TMEM165: variants seen among roughly 807,000 people sequenced by gnomAD.
The protein encoded by TMEM165 is putative divalent cation/proton antiporter TMEM165.
A neutral mutation model predicts 30.0 loss-of-function variants in TMEM165; 19 were observed. The observed-to-expected ratio is 0.63, with a 90% CI of 0.44 to 0.93. TMEM165 has a LOEUF of 0.93. TMEM165 is among the 40% of genes least tolerant of loss of function. The pLI is 0.00. For synonymous variants in TMEM165, 168 were observed against 162.9 expected (o/e 1.03, Z -0.24); for missense variants, 340 against 417.0 (o/e 0.82, Z 1.61).
At chr4:55,419,447 G>T (rs1721875231) in intron 4 of TMEM165, among the ~76,000 whole-genome samples, 1 of 152,214 alleles carries the variant, frequency 6.6e-6, no homozygotes, top group Non-Finnish European at 1.5e-5. Context: ...CGGGTGACTT[G>T]TGTGAGGGAG....
chr4:55,411,964 C>T (rs193134596), intron 2 of TMEM165, 125 bp downstream of exon 2: 2 of 835,924 alleles, frequency 2.4e-6, no homozygotes, highest in East Asian at 5.3e-5. Flanking sequence ...TTGTGGTCTT[C>T]CAACCTTTTC....
chr4:55,444,637 A>G, intron 3 of TMEM165: 2 of 1,614,080 alleles, frequency 1.2e-6, no homozygotes, highest in Non-Finnish European at 1.7e-6. Flanking sequence ...AATTACCTGC[A>G]GCCCCTGACC....
chr4:55,451,159 G>A (rs1212308051), intron 3 of TMEM165, among the ~76,000 whole-genome samples: 3 of 151,862 alleles, frequency 2.0e-5, no homozygotes, highest in African/African-American at 7.3e-5. Flanking sequence ...CCCCATCCTG[G>A]AAAACTGTCT....
chr4:55,424,671 A>G, intron 5 of TMEM165, 28 bp downstream of exon 5: 1 of 1,360,008 alleles, frequency 7.4e-7, no homozygotes, highest in South Asian at 1.2e-5. Context: ...CAAATCAGAT[A>G]ACATTTTAGA....
intron 3 of TMEM165, chr4:55,438,167 G>C: frequency 7.6e-7 from 1 of 1,314,524 alleles, no homozygotes; most frequent in Non-Finnish European, 1.1e-6. Context: ...GATTTAAACT[G>C]TACAATAAGC....
Position 55,417,896 on chromosome 4 carries a change from C to T in TMEM165, c.703C>T (p.Pro235Ser), listed in dbSNP as rs1721805828. The T allele has an allele frequency of 2.5e-6, 4 of 1,613,856 alleles. No homozygotes were observed. Among genetic ancestry groups the T allele is most frequent in the Non-Finnish European group, 3.4e-6 (4 of 1,179,958 alleles). Residue 235 changes from proline (P) to serine (S), a missense_variant, in exon 4 of 6, where the codon CCC becomes TCC. Physicochemically the swap from Pro to Ser is moderately conservative, Grantham distance 74. Transcript: ENST00000381334. The part of the protein sequence containing the change: ...PQKKWLHFIS[P>S]IFVQALTLTF... ...GAAAAAGTGGTTGCATTTTATTTCA[C>T]CCATTTTTGTTCAAGCTCTTACATT...
chr4:55,445,582 C>CTTTTTTTTTTTTTTTTTTTTTTTTTTTT lies in TMEM165; in HGVS notation c.409-6631_409-6630insTTTTTTTTTTTTTTTTTTTTTTTTTTTT, dbSNP rs56157186. Reference sequence around the variant, plus strand: ...TCTCTGCATCTGCTATTTCTATATTCTTTTTTTTTTTTTTTTTTTTTTTTT... The same window carrying CTTTTTTTTTTTTTTTTTTTTTTTTTTTT: ...TCTCTGCATCTGCTATTTCTATATTCTTTTTTTTTTTTTTTTTTTTTTTTTTTTTTTTTTTTTTTTTTTTTTTTTTTTT... On this transcript the variant is annotated intron_variant, in intron 3 of 3. Coordinates refer to the TMEM165 transcript ENST00000608091. Among the ~76,000 whole-genome samples the CTTTTTTTTTTTTTTTTTTTTTTTTTTTT allele has an allele frequency of 5.5e-4, 38 of 68,590 alleles. 7 individuals carry two copies. Among genetic ancestry groups the CTTTTTTTTTTTTTTTTTTTTTTTTTTTT allele is most frequent in the East Asian group, 9.9e-4 (2 of 2,020 alleles). 45.0% of individuals were successfully genotyped at this position (68,590 alleles called of 152,430 possible).
intron 4 of TMEM165, among the ~76,000 whole-genome samples, chr4:55,420,550 T>C (rs549564): frequency 0.84 from 127,812 of 151,962 alleles, 54,001 homozygotes; most frequent in East Asian, 0.98. Context: ...GTATCTAGCA[T>C]GGTCCCCCAC....
intron 1 of TMEM165, among the ~76,000 whole-genome samples, chr4:55,408,347 A>G (rs573334144): frequency 2.2e-4 from 34 of 152,254 alleles, no homozygotes; most frequent in East Asian, 1.2e-3. Context: ...TTATCAGGCA[A>G]TTTCATTGTG....
chr4:55,439,622 T>C (rs1010697210), intron 3 of TMEM165, among the ~76,000 whole-genome samples: 1 of 152,154 alleles, frequency 6.6e-6, no homozygotes, highest in African/African-American at 2.4e-5. Context: ...AAGACTCCAT[T>C]GACAGACGGA....
At position 55,425,394 on chromosome 4, in the gene TMEM165, T is replaced by C. The variant is rs754966170; in HGVS notation, c.917T>C (p.Ile306Thr). The C allele has an allele frequency of 2.3e-5, 37 of 1,613,850 alleles. 1 individual carries two copies. The Middle Eastern group carries it at 1.5e-3, about 65-fold the overall frequency. ...SVRTVTIIGG[I>T]VFLAFAFSAL... ...CTTCCAGTGACAATCATAGGAGGCA[T>C]CGTTTTTTTGGCGTTTGCATTTTCT... The change falls in exon 6 of 6, where the codon ATC becomes ACC. Residue 306 changes from isoleucine (I) to threonine (T), a missense_variant. This residue lies in a region of TMEM165 where 220 missense variants were observed against 307.6 expected (regional missense o/e 0.72). Transcript: ENST00000381334.
chr4:55,425,262 T>C, intron 5 of TMEM165, 114 bp from the exon 6 acceptor site: 1 of 771,908 alleles, frequency 1.3e-6, no homozygotes, highest in Non-Finnish European at 2.2e-6. Context: ...GTTTTCAAGG[T>C]TAGTTTAATA....
At chr4:55,415,491 G>A (rs2109548841) in intron 2 of TMEM165, 1 of 152,218 alleles carries the variant, frequency 6.6e-6, no homozygotes, top group East Asian at 1.9e-4. Context: ...GAGCTTTTTA[G>A]GGGAGAATGG....
intron 3 of TMEM165, chr4:55,442,557 T>TG: frequency 6.2e-7 from 1 of 1,611,230 alleles, no homozygotes; most frequent in Non-Finnish European, 8.5e-7. Flanking sequence ...TGTTATACAG[T>TG]GGGGCTGTAA....
intron 1 of TMEM165, among the ~76,000 whole-genome samples, chr4:55,398,221 C>G (rs778121765): frequency 6.6e-6 from 1 of 152,162 alleles, no homozygotes; most frequent in Non-Finnish European, 1.5e-5. Context: ...TAATGAAGTT[C>G]CCCTTACTGG....
chr4:55,423,515 T>C (rs1386203759), intron 4 of TMEM165: 1 of 151,956 alleles, frequency 6.6e-6, no homozygotes, highest in Admixed American at 6.6e-5. Context: ...CACGACCTCC[T>C]GGGCTCAAAT....
chr4:55,397,586 C>T (rs1423507166), intron 1 of TMEM165, among the ~76,000 whole-genome samples: 1 of 152,114 alleles, frequency 6.6e-6, no homozygotes, highest in Non-Finnish European at 1.5e-5. Flanking sequence ...GAAGACTTCC[C>T]TAAAATTTCT....
chr4:55,444,608 G>A (rs2109699858), intron 3 of TMEM165: 1 of 1,613,674 alleles, frequency 6.2e-7, no homozygotes, highest in African/African-American at 1.3e-5. Flanking sequence ...GGGATGCTTT[G>A]TTTGTATTCA....
intron 3 of TMEM165, chr4:55,435,274 CAACT>C: frequency 1.0e-6 from 1 of 991,812 alleles, no homozygotes; most frequent in Non-Finnish European, 1.5e-6. Context: ...TTTTCTCTGC[CAACT>C]AATTCCAGGA....
Sources: allele counts gnomAD v4.1 joint callset (sites outside exome capture counted in the v4.1 genomes callset), GRCh38; gene constraint gnomAD v4.1.1; regional missense constraint gnomAD v4.1.1; transcripts MANE v1.5; gene names NCBI Gene and HGNC (gene_info 2026-07-23, HGNC 2026-07-21).